The following GRID2 variants were observed in gnomAD, a reference collection of about 807,000 sequenced individuals.
The protein encoded by GRID2 is glutamate receptor ionotropic, delta-2.
In GRID2, 33 loss-of-function variants were observed where a neutral mutation model predicts 114.8. The observed-to-expected ratio is 0.29, with a 90% confidence interval of 0.22 to 0.38. The LOEUF is 0.38. GRID2 is among the 10% of genes least tolerant of loss of function. The probability of loss-of-function intolerance (pLI) is 1.00; values close to 1 mark genes in which losing one functional copy is unlikely to be tolerated. For synonymous variants in GRID2, 505 were observed against 449.9 expected, an observed-to-expected ratio of 1.12 and a Z score of -1.55; for missense variants, 1,184 against 1,257.7, an observed-to-expected ratio of 0.94 and a Z score of 0.89.
chr4:92,699,826 T>C (rs1734585396), intron 2 of GRID2, among the ~76,000 whole-genome samples: 1 of 152,278 alleles, frequency 6.6e-6, no homozygotes, highest in African/African-American at 2.4e-5. Flanking sequence ...CTTCTCAGAT[T>C]TATAAAATTC....
At chr4:92,883,763 G>C (rs1746179584) in intron 2 of GRID2, among the ~76,000 whole-genome samples, 1 of 152,128 alleles carries the variant, frequency 6.6e-6, no homozygotes, top group Non-Finnish European at 1.5e-5. Context: ...ACTTGGTTTT[G>C]AACAGTGGGT....
chr4:92,721,669 A>G (rs1383800455), intron 2 of GRID2, among the ~76,000 whole-genome samples: 1 of 152,188 alleles, frequency 6.6e-6, no homozygotes, highest in Non-Finnish European at 1.5e-5. Context: ...ATTGAAAATT[A>G]TAGCATGTCC....
intron 8 of GRID2, among the ~76,000 whole-genome samples, chr4:93,359,190 A>C (rs772329787): frequency 6.6e-6 from 1 of 152,194 alleles, no homozygotes; most frequent in South Asian, 2.1e-4. Context: ...TAGATCAGGC[A>C]CACATCCTCA....
intron 2 of GRID2, among the ~76,000 whole-genome samples, chr4:92,900,725 G>T (rs1299261912): frequency 6.6e-6 from 1 of 151,038 alleles, no homozygotes; most frequent in Non-Finnish European, 1.5e-5. Flanking sequence ...TCCCAGCTAC[G>T]CCGGAGGCTG....
At chr4:92,867,749 T>C (rs906569986) in intron 2 of GRID2, among the ~76,000 whole-genome samples, 4 of 152,174 alleles carry the variant, frequency 2.6e-5, no homozygotes, top group Non-Finnish European at 5.9e-5. Context: ...TATTGTCCTG[T>C]TTGTTGAAGC....
intron 10 of GRID2, among the ~76,000 whole-genome samples, chr4:93,453,882 A>G (rs574041321): frequency 6.6e-6 from 1 of 152,036 alleles, no homozygotes; most frequent in Non-Finnish European, 1.5e-5. Context: ...ACCTAATTGA[A>G]TCTTAGTTAT....
intron 8 of GRID2, among the ~76,000 whole-genome samples, chr4:93,382,513 T>C (rs773065452): frequency 6.6e-6 from 1 of 152,068 alleles, no homozygotes; most frequent in Admixed American, 6.6e-5. Flanking sequence ...AAATCTACCT[T>C]TGAAAATCTC....
chr4:92,678,810 T>A (rs1733509763), intron 2 of GRID2, among the ~76,000 whole-genome samples: 1 of 152,052 alleles, frequency 6.6e-6, no homozygotes, highest in Non-Finnish European at 1.5e-5. Flanking sequence ...CATGCTATTT[T>A]ATTCAGTTCT....
chr4:93,305,046 A>T (rs182375026), intron 8 of GRID2, among the ~76,000 whole-genome samples: 1 of 152,164 alleles, frequency 6.6e-6, no homozygotes, highest in Admixed American at 6.5e-5. Context: ...ATTATTGTGG[A>T]TGCAAAAATG....
chr4:92,412,766 G>T (rs928353175), intron 1 of GRID2, among the ~76,000 whole-genome samples: 8 of 152,132 alleles, frequency 5.3e-5, no homozygotes, highest in African/African-American at 1.9e-4. Flanking sequence ...TTGCTTACAG[G>T]TCACCAAGCA....
intron 1 of GRID2, among the ~76,000 whole-genome samples, chr4:92,546,165 A>T (rs180719063): frequency 6.6e-6 from 1 of 152,190 alleles, no homozygotes; most frequent in Non-Finnish European, 1.5e-5. Context: ...ATGTGACTGT[A>T]TATTTAGAGA....
chr4:93,290,564 T>A (rs186652052), intron 8 of GRID2, among the ~76,000 whole-genome samples: 2 of 152,228 alleles, frequency 1.3e-5, no homozygotes, highest in Non-Finnish European at 2.9e-5. Context: ...TTAGTAAGAG[T>A]CATCTATGCA....
At chr4:93,123,557 G>C (rs1188302356) in intron 4 of GRID2, among the ~76,000 whole-genome samples, 1 of 152,040 alleles carries the variant, frequency 6.6e-6, no homozygotes, top group Admixed American at 6.6e-5. Context: ...TACCCCAAGG[G>C]ATATAGACTC....
chr4:92,436,512 T>C (rs1432324150), intron 1 of GRID2, among the ~76,000 whole-genome samples: 1 of 152,170 alleles, frequency 6.6e-6, no homozygotes, highest in African/African-American at 2.4e-5. Context: ...CTCAGCTTTT[T>C]TTTGGTTTGT....
chr4:92,482,352 G>T (rs1349192440), intron 1 of GRID2, among the ~76,000 whole-genome samples: 1 of 151,618 alleles, frequency 6.6e-6, no homozygotes. Context: ...GGAGGACATG[G>T]GTTGAAAAAC....
In GRID2 at chr4:93,769,331, A is replaced by G. The variant is rs1344069067; in HGVS notation, c.2482A>G (p.Ile828Val). The G allele has an allele frequency of 1.2e-6, 2 of 1,614,152 alleles. No homozygotes were observed. The highest frequency in any genetic ancestry group is 1.7e-5 in the Admixed American group (1 of 60,018). Residue 828 changes from isoleucine to valine, a missense_variant, in exon 15 of 16, where the codon ATA becomes GTA. Physicochemically the swap from Ile to Val is conservative, Grantham distance 29. Transcript: ENST00000282020. ...AAAGCAGAAAGGAGGCGCCCTGGAC[A>G]TAAAGAGCTTTGCAGGGGTCTTTTG... is the stretch of plus-strand genomic sequence containing the variant. The part of the protein sequence containing the change: ...DTKQKGGALD[I>V]KSFAGVFCIL...
intron 2 of GRID2, among the ~76,000 whole-genome samples, chr4:92,802,197 A>G (rs763584674): frequency 2.5e-4 from 38 of 151,768 alleles, no homozygotes; most frequent in Non-Finnish European, 3.7e-4. Context: ...ATTTTCCATA[A>G]AGCCCCCGTC....
At chr4:92,467,047 A>G (rs1721793440) in intron 1 of GRID2, among the ~76,000 whole-genome samples, 1 of 151,852 alleles carries the variant, frequency 6.6e-6, no homozygotes, top group Non-Finnish European at 1.5e-5. Flanking sequence ...TATTACTATT[A>G]GAGAACATTT....
At chr4:93,432,570 T>A (rs917222693) in intron 10 of GRID2, among the ~76,000 whole-genome samples, 1 of 151,958 alleles carries the variant, frequency 6.6e-6, no homozygotes, top group Admixed American at 6.6e-5. Context: ...ACAAAAGAAA[T>A]GAGTTTAAAA....
Sources: allele counts gnomAD v4.1 joint callset (sites outside exome capture counted in the v4.1 genomes callset), GRCh38; gene constraint gnomAD v4.1.1; transcripts MANE v1.5; gene names NCBI Gene and HGNC (gene_info 2026-07-23, HGNC 2026-07-21).